Variants in IL1RL2 observed in about 807,000 individuals in gnomAD.
IL1RL2 encodes interleukin 1 receptor like 2.
A neutral mutation model predicts 66.8 loss-of-function variants in IL1RL2; 68 were observed. That is an observed-to-expected ratio of 1.02 (90% confidence interval 0.84 to 1.25). The LOEUF (loss-of-function observed/expected upper bound fraction) is 1.25. Among genes scored for constraint, IL1RL2 ranks in the 50% most tolerant of loss-of-function variants. IL1RL2 has a pLI of 0.00. For synonymous variants in IL1RL2, 305 were observed against 264.6 expected, an observed-to-expected ratio of 1.15 and a Z score of -1.48; for missense variants, 729 against 709.3, an observed-to-expected ratio of 1.03 and a Z score of -0.32.
At chr2:102,221,734 T>C (rs1024790) in intron 8 of IL1RL2, among the ~76,000 whole-genome samples, 138,696 of 152,194 alleles carry the variant, frequency 0.91, 63,277 homozygotes, top group East Asian at 0.98. Context: ...GAGGACAGCA[T>C]TGTCACTCAA....
chr2:102,228,658 C>G (rs766906832), intron 9 of IL1RL2, among the ~76,000 whole-genome samples: 17 of 145,752 alleles, frequency 1.2e-4, no homozygotes, highest in Non-Finnish European at 1.8e-4. Context: ...AAAACGAAGA[C>G]AAGCCAAACA....
intron 11 of IL1RL2, among the ~76,000 whole-genome samples, chr2:102,237,264 C>A (rs1433830584): frequency 6.6e-6 from 1 of 152,212 alleles, no homozygotes; most frequent in Non-Finnish European, 1.5e-5. Flanking sequence ...TTCCCCAAAT[C>A]CTCACCAAAC....
rs763880765 is a variant in IL1RL2, at chr2:102,192,031, C to G, written c.400C>G (p.Gln134Glu). Residue 134 changes from glutamine (Q) to glutamate (E), a missense_variant, in exon 4 of 12, where the codon CAA becomes GAA. Physicochemically the swap from Gln to Glu is conservative, Grantham distance 29 (BLOSUM62 2). Coordinates refer to ENST00000264257, the MANE Select transcript of IL1RL2 (RefSeq NM_003854.4). ...ACCAAATTTATCAGATGAGTACAAG[C>G]AAATATTACATCTTGGAAAAGATGA... The part of the protein sequence containing the change: ...GLPNLSDEYK[Q>E]ILHLGKDDSL... 7 of 1,612,420 alleles carry G rather than the reference C, an allele frequency of 4.3e-6. No homozygotes were observed. The highest frequency in any genetic ancestry group is 5.9e-6 in the Non-Finnish European group (7 of 1,179,300).
At chr2:102,195,549 TTCTTTCTTTC>T (rs1687594777) in intron 4 of IL1RL2, among the ~76,000 whole-genome samples, 1 of 54,220 alleles carries the variant, frequency 1.8e-5, no homozygotes, top group African/African-American at 5.2e-5. Flanking sequence ...CTTATTCTAT[TTCTTTCTTTC>T]TCTTTCTTTC....
intron 10 of IL1RL2, among the ~76,000 whole-genome samples, 174 bp from the exon 11 acceptor site, chr2:102,234,723 G>T (rs1453844183): frequency 6.6e-6 from 1 of 152,040 alleles, no homozygotes; most frequent in East Asian, 1.9e-4. Context: ...GGAGGTGGAG[G>T]TTGCAGTGAG....
At chr2:102,191,829 C>A in intron 3 of IL1RL2, 96 bp from the exon 4 acceptor site, 1 of 847,964 alleles carries the variant, frequency 1.2e-6, no homozygotes, top group Non-Finnish European at 1.9e-6. Context: ...TTGCACAGTG[C>A]TGTGAAAATG....
chr2:102,206,017 A>T (rs953601605), intron 5 of IL1RL2, among the ~76,000 whole-genome samples: 2 of 151,890 alleles, frequency 1.3e-5, no homozygotes, highest in Non-Finnish European at 1.5e-5. Context: ...ACATTCCTCT[A>T]TTAAAGGACT....
chr2:102,219,150 A>G, intron 7 of IL1RL2, 68 bp downstream of exon 7: 1 of 1,531,682 alleles, frequency 6.5e-7, no homozygotes, highest in Non-Finnish European at 9.0e-7. Flanking sequence ...TGAATCTGGT[A>G]TCACTACTGC....
At chr2:102,224,559 G>C (rs1044265466) in intron 8 of IL1RL2, among the ~76,000 whole-genome samples, 1 of 152,192 alleles carries the variant, frequency 6.6e-6, no homozygotes, top group Non-Finnish European at 1.5e-5. Flanking sequence ...GGTTACCAGA[G>C]GCTGGGAAGG....
downstream of IL1RL2, among the ~76,000 whole-genome samples, chr2:102,241,958 A>G (rs1256396860): frequency 6.6e-6 from 1 of 152,254 alleles, no homozygotes; most frequent in African/African-American, 2.4e-5. Flanking sequence ...ACTTCAAAAT[A>G]ATCCAGTGCA....
At chr2:102,211,555 C>T (rs1689171421) in intron 5 of IL1RL2, among the ~76,000 whole-genome samples, 1 of 152,170 alleles carries the variant, frequency 6.6e-6, no homozygotes, top group Non-Finnish European at 1.5e-5. Context: ...TACCTCTACC[C>T]ATTCCCACCA....
At chr2:102,200,857 A>G (rs916294246) in intron 4 of IL1RL2, among the ~76,000 whole-genome samples, 3 of 152,130 alleles carry the variant, frequency 2.0e-5, no homozygotes, top group Admixed American at 1.3e-4. Flanking sequence ...TGCCTTGTCC[A>G]TGGAGGAGGC....
chr2:102,195,645 CTCTTTCTTTCTT>C (rs1219065291), intron 4 of IL1RL2, among the ~76,000 whole-genome samples: 647 of 20,154 alleles, frequency 0.032, 33 homozygotes, highest in African/African-American at 0.057. Flanking sequence ...CTCTCTCTCT[CTCTTTCTTTCTT>C]TCTTTCTTTC....
chr2:102,226,045 A>G lies in IL1RL2; in HGVS notation c.1135+4A>G, dbSNP rs371026540. On this transcript the variant is annotated splice_donor_region_variant and intron_variant, in intron 9 of 11. Transcript: ENST00000264257. Reference sequence around the variant, plus strand: ...CATTCTACAGAGACCATAGTAGGTAAGTGTGTGTAATCACTGAAAAATGCC... The same window carrying G: ...CATTCTACAGAGACCATAGTAGGTAGGTGTGTGTAATCACTGAAAAATGCC... 2.5e-6 allele frequency: 4 copies of G among 1,577,578 alleles called. No individual in the cohort carries two copies. The highest frequency in any genetic ancestry group is 1.7e-4 in the Middle Eastern group (1 of 5,916).
Position 102,192,000 on chromosome 2 carries a change from T to C in IL1RL2, c.369T>C (p.Gly123=). The C allele has an allele frequency of 6.2e-7, 1 of 1,612,806 alleles. No homozygotes were observed. Among genetic ancestry groups the C allele is most frequent in the Non-Finnish European group, 8.5e-7 (1 of 1,179,406 alleles). The change falls in exon 4 of 12, where the codon GGT becomes GGC. Residue 123 remains glycine, a synonymous_variant. Coordinates refer to ENST00000264257, the MANE Select transcript of IL1RL2 (RefSeq NM_003854.4). ...AACATTGGTGTGACACTTCCATAGG[T>C]GGTTTACCAAATTTATCAGATGAGT... ...FEKHWCDTSI[G]GLPNLSDEYK...
chr2:102,237,891 T>C (rs1675016915), intron 11 of IL1RL2, among the ~76,000 whole-genome samples: 1 of 152,074 alleles, frequency 6.6e-6, no homozygotes, highest in South Asian at 2.1e-4. Flanking sequence ...CTCTCCCGTT[T>C]CTCCAGCTGG....
intron 8 of IL1RL2, among the ~76,000 whole-genome samples, chr2:102,223,899 G>GT (rs1690366861): frequency 3.3e-5 from 5 of 152,144 alleles, no homozygotes; most frequent in Non-Finnish European, 7.3e-5. Flanking sequence ...TGAAGTGAGA[G>GT]GTTCTCACAA....
rs34975131 is a variant in IL1RL2, at chr2:102,227,933, G to A, written c.1135+1892G>A. On this transcript the variant is annotated intron_variant, in intron 9 of 11. Transcript: ENST00000264257. ...GTGGGGAAGCTGCTAGTGAGGTCGA[G>A]TTTAGCAGGAAGAGAAAACAGGAAT... Among the ~76,000 whole-genome samples, 528 of 152,132 alleles carry A rather than the reference G, an allele frequency of 3.5e-3. 4 individuals are homozygous for A. The highest frequency in any genetic ancestry group is 5.7e-3 in the Non-Finnish European group (389 of 68,014).
chr2:102,214,591 A>G (rs1489523796), intron 6 of IL1RL2, among the ~76,000 whole-genome samples: 7 of 152,154 alleles, frequency 4.6e-5, no homozygotes, highest in Non-Finnish European at 8.8e-5. Flanking sequence ...CCTAAATAGA[A>G]ACACTCAGTA....
Sources: gnomAD v4.1 joint callset for allele counts (sites outside exome capture counted in the v4.1 genomes callset) on GRCh38, gnomAD v4.1.1 for gene constraint, MANE v1.5 for transcripts, NCBI Gene and HGNC (gene_info 2026-07-23, HGNC 2026-07-21) for gene names.